The following RPL6 variants were observed in gnomAD, a reference collection of about 807,000 sequenced individuals.
RPL6 encodes ribosomal protein L6.
RPL6 carries 1 observed loss-of-function variant against 32.1 expected under a neutral mutation model. The observed-to-expected ratio is 0.03, with a 90% CI of 0.01 to 0.15. The LOEUF is 0.15. RPL6 is among the 10% of genes least tolerant of loss of function. The probability of loss-of-function intolerance (pLI) is 1.00; values close to 1 mark genes in which losing one functional copy is unlikely to be tolerated. For missense variants in RPL6, 275 were observed against 354.6 expected (o/e 0.78, Z 1.80); for synonymous variants, 126 against 131.6 (o/e 0.96, Z 0.29).
At chr12:112,412,750 C>A (rs2037355905), upstream of RPL6, among the ~76,000 whole-genome samples, 1 of 151,854 alleles carries the variant, frequency 6.6e-6, no homozygotes, top group Admixed American at 6.6e-5. Context: ...ATGGTGAAAC[C>A]CCATCTCTGC....
chr12:112,406,555 CA>C, intron 4 of RPL6, 191 bp downstream of exon 4: 1 of 856,344 alleles, frequency 1.2e-6, no homozygotes, highest in Non-Finnish European at 1.8e-6. Flanking sequence ...ACATAATCAA[CA>C]GCAGGAAATG....
chr12:112,406,439 TCTA>T, intron 4 of RPL6, 97 bp from the exon 5 acceptor site: 1 of 1,101,920 alleles, frequency 9.1e-7, no homozygotes. Context: ...AAAGGAAATT[TCTA>T]CATGTATATG....
chr12:112,415,273 C>A (rs920223874), upstream of RPL6, among the ~76,000 whole-genome samples: 3 of 151,866 alleles, frequency 2.0e-5, no homozygotes, highest in African/African-American at 7.3e-5. Context: ...TGATTGGGGA[C>A]CAGAGTTAAA....
chr12:112,418,833 G>A, exon 1 of RPL6: 1 of 494,836 alleles, frequency 2.0e-6, no homozygotes, highest in Non-Finnish European at 3.6e-6. Context: ...TCGGTCCTCC[G>A]CTGACGGGAA....
chr12:112,417,044 A>C (rs535814479), intron 1 of RPL6, among the ~76,000 whole-genome samples: 3 of 152,266 alleles, frequency 2.0e-5, no homozygotes, highest in African/African-American at 7.2e-5. Flanking sequence ...TCTGCCATTC[A>C]CTAGATCTGT....
At chr12:112,409,386 G>A (rs1307861699) in intron 1 of RPL6, 8 of 397,892 alleles carry the variant, frequency 2.0e-5, no homozygotes, top group Non-Finnish European at 3.1e-5. Context: ...GAACCGGAGG[G>A]AGCCACTACG....
Position 112,406,033 on chromosome 12 carries a change from A to C in RPL6, c.534T>G (p.Pro178=), listed in dbSNP as rs753932672. 1 of 1,607,226 alleles carries C rather than the reference A, an allele frequency of 6.2e-7. No individual in the cohort carries two copies. Among genetic ancestry groups the C allele is most frequent in the Non-Finnish European group, 8.5e-7 (1 of 1,177,150 alleles). The change falls in exon 6 of 7, where the codon CCT becomes CCG. Residue 178 remains proline (P), a synonymous_variant. Transcript: ENST00000202773. ...GTAGAGGAACTCGATTGAGGACCAG[A>C]GGTCCTAAGGGGGAAAAATTAATTT... is the stretch of plus-strand genomic sequence containing the variant. ...LASGLLLVTG[P]LVLNRVPLRR...
chr12:112,411,823 T>G (rs2037343991), upstream of RPL6, among the ~76,000 whole-genome samples: 1 of 152,210 alleles, frequency 6.6e-6, no homozygotes, highest in East Asian at 1.9e-4. Flanking sequence ...TATATAAAAT[T>G]CTCTGAAATT....
At chr12:112,414,959 A>T (rs2037387294), upstream of RPL6, among the ~76,000 whole-genome samples, 1 of 152,006 alleles carries the variant, frequency 6.6e-6, no homozygotes, top group Non-Finnish European at 1.5e-5. Context: ...TTCCTATATG[A>T]TACGGCTCTT....
intron 3 of RPL6, chr12:112,408,014 T>A: frequency 1.9e-6 from 1 of 534,238 alleles, no homozygotes; most frequent in Non-Finnish European, 3.3e-6. Flanking sequence ...GCCACCACAC[T>A]CAGCCTCATT....
At chr12:112,413,381 C>CA (rs1477793447), upstream of RPL6, among the ~76,000 whole-genome samples, 1 of 151,532 alleles carries the variant, frequency 6.6e-6, no homozygotes, top group Non-Finnish European at 1.5e-5. Flanking sequence ...CTAAAAAATA[C>CA]AAAAAAATTA....
chr12:112,408,099 C>G (rs1240648203), intron 3 of RPL6, 141 bp downstream of exon 3: 2 of 639,676 alleles, frequency 3.1e-6, no homozygotes, highest in Non-Finnish European at 5.5e-6. Context: ...AATGTTGAAG[C>G]CAAGTTACAA....
At chr12:112,409,614 T>G, upstream of RPL6, 1 of 398,026 alleles carries the variant, frequency 2.5e-6, no homozygotes, top group Non-Finnish European at 4.4e-6. Flanking sequence ...AGAATTAAGG[T>G]CCCGGCTTCC....
At chr12:112,413,954 A>G (rs1323615225), upstream of RPL6, among the ~76,000 whole-genome samples, 1 of 152,164 alleles carries the variant, frequency 6.6e-6, no homozygotes, top group East Asian at 1.9e-4. Flanking sequence ...AGAACCCACA[A>G]TGATGTTGAA....
upstream of RPL6, among the ~76,000 whole-genome samples, chr12:112,412,695 T>G (rs1317972359): frequency 1.3e-5 from 2 of 152,080 alleles, no homozygotes; most frequent in Non-Finnish European, 2.9e-5. Flanking sequence ...CAGCTGTATT[T>G]TTTGTTTGTT....
At chr12:112,408,760 A>C in intron 1 of RPL6, 104 bp from the exon 2 acceptor site, 1 of 946,026 alleles carries the variant, frequency 1.1e-6, no homozygotes, top group Non-Finnish European at 1.6e-6. Context: ...CCCAGACTAC[A>C]ATCCCTCCCC....
upstream of RPL6, chr12:112,410,320 C>A: frequency 3.4e-6 from 1 of 294,208 alleles, no homozygotes; most frequent in South Asian, 3.8e-5. Context: ...CTTCCCTTAC[C>A]TTGGATTTAG....
At chr12:112,415,995 G>A (rs1304593754) in intron 1 of RPL6, among the ~76,000 whole-genome samples, 3 of 126,420 alleles carry the variant, frequency 2.4e-5, no homozygotes, top group Non-Finnish European at 4.7e-5. Flanking sequence ...GTCTCGCTCC[G>A]ACGCCCAGGT....
rs768184370 is a variant in RPL6 at position 112,405,903 on chromosome 12, G to A, written c.664C>T (p.Leu222=). 6 of 1,613,914 alleles carry A rather than the reference G, an allele frequency of 3.7e-6. No homozygotes were observed. In the Admixed American group the frequency reaches 1.0e-4, roughly 27 times the overall value. Reference sequence around the variant, plus strand: ...CCTTCCTGGTGTCTGGGCTTCCGCAGCTTCTTCTTCTTGAAGTAAGCATCA... The same window carrying A: ...CCTTCCTGGTGTCTGGGCTTCCGCAACTTCTTCTTCTTGAAGTAAGCATCA... ...LTDAYFKKKK[L]RKPRHQEGEI... is the part of the protein sequence containing the mutation. Residue 222 remains leucine (L), a synonymous_variant, in exon 6 of 7, where the codon CTG becomes TTG. Transcript: ENST00000202773.
Sources: allele counts gnomAD v4.1 joint callset (sites outside exome capture counted in the v4.1 genomes callset), GRCh38; gene constraint gnomAD v4.1.1; transcripts MANE v1.5; gene names NCBI Gene and HGNC (gene_info 2026-07-23, HGNC 2026-07-21).